The following ATP13A4 variants were observed in gnomAD, a reference collection of about 807,000 sequenced individuals.
The protein encoded by ATP13A4 is probable cation-transporting ATPase 13A4.
A neutral mutation model predicts 142.5 loss-of-function variants in ATP13A4; 114 were observed. The ratio of observed to expected loss-of-function variants is 0.80; its 90% CI spans 0.69 to 0.93. The LOEUF is 0.93. ATP13A4 is among the 40% of genes least tolerant of loss of function. The probability of loss-of-function intolerance (pLI) is 0.00; values close to 1 mark genes in which losing one functional copy is unlikely to be tolerated. For synonymous variants in ATP13A4, 488 were observed against 514.8 expected (o/e 0.95, Z 0.70); for missense variants, 1,392 against 1,454.0 (o/e 0.96, Z 0.69).
At chr3:193,445,925 A>T (rs1247543345) in intron 18 of ATP13A4, among the ~76,000 whole-genome samples, 1 of 151,804 alleles carries the variant, frequency 6.6e-6, no homozygotes, top group Non-Finnish European at 1.5e-5. Context: ...AAAGATAATG[A>T]GCATTGTTGA....
intron 12 of ATP13A4, among the ~76,000 whole-genome samples, chr3:193,464,550 A>G (rs1044083371): frequency 6.6e-6 from 1 of 152,214 alleles, no homozygotes. Context: ...CATTAATTCA[A>G]TCGATATTTA....
chr3:193,577,352 T>C (rs1172001436), intron 2 of ATP13A4, among the ~76,000 whole-genome samples: 1 of 152,190 alleles, frequency 6.6e-6, no homozygotes, highest in African/African-American at 2.4e-5. Flanking sequence ...TGGCAAATGG[T>C]TTTCTTTCTT....
chr3:193,503,083 G>A (rs992181343), intron 2 of ATP13A4, among the ~76,000 whole-genome samples: 2 of 152,138 alleles, frequency 1.3e-5, no homozygotes, highest in African/African-American at 4.8e-5. Context: ...AATGTTAAGT[G>A]TCCCTCTCTT....
intron 1 of ATP13A4, among the ~76,000 whole-genome samples, chr3:193,541,495 A>G (rs1322742367): frequency 2.0e-5 from 3 of 151,906 alleles, no homozygotes; most frequent in African/African-American, 7.3e-5. Context: ...AAAGAGAAAA[A>G]AATCACCTTC....
At chr3:193,448,691 T>C (rs1345098417) in intron 17 of ATP13A4, among the ~76,000 whole-genome samples, 1 of 152,186 alleles carries the variant, frequency 6.6e-6, no homozygotes, top group African/African-American at 2.4e-5. Flanking sequence ...CCTGTCATAG[T>C]GGTTCCATTC....
intron 6 of ATP13A4, 95 bp from the exon 7 acceptor site, chr3:193,489,959 C>T: frequency 7.7e-7 from 1 of 1,297,096 alleles, no homozygotes; most frequent in Non-Finnish European, 1.1e-6. Flanking sequence ...TCATGACATA[C>T]ATCATCCCAC....
intron 26 of ATP13A4, 62 bp downstream of exon 26, chr3:193,414,517 G>A (rs768906275): frequency 1.3e-6 from 2 of 1,588,074 alleles, no homozygotes; most frequent in Non-Finnish European, 1.7e-6. Flanking sequence ...CCATCATATT[G>A]GCCAGAGGAT....
Position 193,569,310 on chromosome 3 carries a change from T to G in ATP13A4, n.291+12397A>C, listed in dbSNP as rs200398285. Among the ~76,000 whole-genome samples, 14 of 152,312 alleles carry G rather than the reference T, an allele frequency of 9.2e-5. No homozygotes were observed. The East Asian group carries it at 2.7e-3, about 29-fold the overall frequency. ...ATACCAGTCTAGTAGTCCTTAAAAT[T>G]GACAAGGTCATCAAAAACAAAAGAA... On this transcript the variant is annotated intron_variant and non_coding_transcript_variant, in intron 2 of 3. Transcript: ENST00000489140.
intron 8 of ATP13A4, among the ~76,000 whole-genome samples, chr3:193,483,418 C>A (rs1719407803): frequency 6.6e-6 from 1 of 152,062 alleles, no homozygotes; most frequent in African/African-American, 2.4e-5. Context: ...TTAAGTTTAC[C>A]AAATGTTAAT....
chr3:193,412,473 C>T (rs1156486553), intron 26 of ATP13A4, 102 bp from the exon 27 acceptor site: 2 of 989,508 alleles, frequency 2.0e-6, no homozygotes, highest in Non-Finnish European at 3.2e-6. Context: ...AGAGCAGGCA[C>T]TCAATGCTTC....
chr3:193,576,247 A>ATT (rs1560288260), intron 2 of ATP13A4, among the ~76,000 whole-genome samples: 30 of 107,292 alleles, frequency 2.8e-4, no homozygotes, highest in South Asian at 5.6e-4. Flanking sequence ...GCTTGAATCA[A>ATT]TCTTTTTTTT....
chr3:193,541,876 T>C (rs1424351661), intron 1 of ATP13A4, among the ~76,000 whole-genome samples: 1 of 152,220 alleles, frequency 6.6e-6, no homozygotes, highest in Non-Finnish European at 1.5e-5. Flanking sequence ...CAAGTTCTTT[T>C]TTCCACTTGA....
intron 16 of ATP13A4, 133 bp downstream of exon 16, chr3:193,456,867 G>C (rs747519154): frequency 6.2e-6 from 7 of 1,121,366 alleles, no homozygotes; most frequent in Non-Finnish European, 9.1e-6. Context: ...TTTTCGTATT[G>C]AATTTGGAAT....
chr3:193,448,969 C>G (rs1717115393), intron 17 of ATP13A4, among the ~76,000 whole-genome samples: 1 of 151,420 alleles, frequency 6.6e-6, no homozygotes, highest in Non-Finnish European at 1.5e-5. Context: ...TGGCACAAAG[C>G]ATGAAAAAAA....
Position 193,457,422 on chromosome 3 carries a change from G to C in ATP13A4, c.1718C>G (p.Pro573Arg). ...GGGCTTAACTACCATGGCATGTGCC[G>C]GCACTCCCTTGATGTGGAAATCGTC... ...SGDDFHIKGV[P>R]AHAMVVKPCR... The change falls in exon 15 of 30, where the codon CCG becomes CGG. Residue 573 changes from proline (P) to arginine (R), a missense_variant. Coordinates refer to ENST00000342695, the MANE Select transcript of ATP13A4 (RefSeq NM_032279.4). 1 of 1,614,130 alleles carries C rather than the reference G, an allele frequency of 6.2e-7. No homozygotes were observed. The highest frequency in any genetic ancestry group is 8.5e-7 in the Non-Finnish European group (1 of 1,180,018).
chr3:193,527,191 C>T (rs897004054), intron 1 of ATP13A4, among the ~76,000 whole-genome samples: 1 of 152,138 alleles, frequency 6.6e-6, no homozygotes, highest in Non-Finnish European at 1.5e-5. Flanking sequence ...TCTGTGTCTC[C>T]GCCCAAATCT....
intron 2 of ATP13A4, among the ~76,000 whole-genome samples, chr3:193,506,925 T>A (rs890714611): frequency 2.6e-5 from 4 of 152,152 alleles, no homozygotes; most frequent in Non-Finnish European, 5.9e-5. Flanking sequence ...CAGTTTTGGG[T>A]ATGTCTTTAT....
intron 1 of ATP13A4, among the ~76,000 whole-genome samples, chr3:193,587,021 G>T (rs543491260): frequency 6.6e-6 from 1 of 152,176 alleles, no homozygotes; most frequent in African/African-American, 2.4e-5. Context: ...ATGTTTTGTG[G>T]TTTTCTGTGT....
At chr3:193,568,460 CCCATAA>C (rs11279635) in intron 2 of ATP13A4, among the ~76,000 whole-genome samples, 4,270 of 152,254 alleles carry the variant, frequency 0.028, 176 homozygotes, top group African/African-American at 0.092. Context: ...TTTGTAGCCT[CCCATAA>C]CCTGGACTTA....
Sources: allele counts gnomAD v4.1 joint callset (sites outside exome capture counted in the v4.1 genomes callset), GRCh38; gene constraint gnomAD v4.1.1; transcripts MANE v1.5; gene names NCBI Gene and HGNC (gene_info 2026-07-23, HGNC 2026-07-21).